The following GPR149 variants were observed in gnomAD, a reference collection of about 807,000 sequenced individuals.
The protein encoded by GPR149 is probable G protein-coupled receptor 149.
Under a neutral mutation model 50.2 loss-of-function variants are expected in GPR149, and 50 were observed. The ratio of observed to expected loss-of-function variants is 1.00; its 90% CI spans 0.79 to 1.26. GPR149 has a LOEUF of 1.26. Ranked by LOEUF, GPR149 falls within the 50% of genes most tolerant of loss-of-function variation. GPR149 has a pLI of 0.00. For missense variants in GPR149, 983 were observed against 895.4 expected (o/e 1.10, Z -1.25); for synonymous variants, 405 against 358.2 (o/e 1.13, Z -1.48).
At chr3:154,376,910 A>G (rs978402289) in intron 3 of GPR149, among the ~76,000 whole-genome samples, 8 of 152,076 alleles carry the variant, frequency 5.3e-5, no homozygotes, top group Non-Finnish European at 1.0e-4. Context: ...AACAATAATG[A>G]CCACTTCATA....
chr3:154,350,284 T>G (rs1714043334), intron 3 of GPR149, among the ~76,000 whole-genome samples: 1 of 152,178 alleles, frequency 6.6e-6, no homozygotes, highest in Non-Finnish European at 1.5e-5. Flanking sequence ...ATGACATGAT[T>G]GATTTATGTA....
In GPR149 at chr3:154,336,217, A is replaced by G. The variant is rs746143740; in HGVS notation, c.*1482T>C. ...ATATTGAGAAGTTAAAGATTGAGAA[A>G]GTCCATTGAGATAATTATTTTGAAA... is the stretch of plus-strand genomic sequence containing the variant. On this transcript the variant is annotated 3_prime_UTR_variant, in exon 4 of 4. Coordinates refer to ENST00000389740, the MANE Select transcript of GPR149 (RefSeq NM_001038705.3). 1 of 152,136 alleles carries G rather than the reference A, an allele frequency of 6.6e-6. No individual in the cohort carries two copies. The highest frequency in any genetic ancestry group is 1.5e-5 in the Non-Finnish European group (1 of 67,954). 9.4% of individuals were successfully genotyped at this position (152,136 alleles called of 1,614,324 possible).
Position 154,427,509 on chromosome 3 carries a change from G to A in GPR149, c.1174+7C>T, listed in dbSNP as rs751246314. Reference sequence around the variant, plus strand: ...TGCTGCCAATCACTGCAGTGTTGAGGACTTACTTTTTTTCCCATCGGACGC... The same window carrying A: ...TGCTGCCAATCACTGCAGTGTTGAGAACTTACTTTTTTTCCCATCGGACGC... On this transcript the variant is annotated splice_region_variant and intron_variant, in intron 2 of 3. Coordinates refer to ENST00000389740, the MANE Select transcript of GPR149 (RefSeq NM_001038705.3). 2 of 1,600,370 alleles carry A rather than the reference G, an allele frequency of 1.2e-6. No individual in the cohort carries two copies. Among genetic ancestry groups the A allele is most frequent in the Non-Finnish European group, 1.7e-6 (2 of 1,174,308 alleles).
intron 3 of GPR149, chr3:154,352,205 T>A: frequency 1.1e-6 from 1 of 900,468 alleles, no homozygotes; most frequent in Non-Finnish European, 1.7e-6. Flanking sequence ...TTCTACCATC[T>A]TGTCGACTTC....
At chr3:154,357,615 G>A (rs1302300925) in intron 3 of GPR149, among the ~76,000 whole-genome samples, 14 of 152,264 alleles carry the variant, frequency 9.2e-5, no homozygotes, top group Admixed American at 9.2e-4. Flanking sequence ...AGTTAGAATG[G>A]CGATCATTAA....
At chr3:154,355,018 T>C (rs1398118765) in intron 3 of GPR149, among the ~76,000 whole-genome samples, 4 of 152,136 alleles carry the variant, frequency 2.6e-5, no homozygotes, top group African/African-American at 9.7e-5. Flanking sequence ...TCTTGATACT[T>C]AAGTTACTAT....
At chr3:154,380,769 A>T (rs1983315) in intron 3 of GPR149, among the ~76,000 whole-genome samples, 1 of 152,008 alleles carries the variant, frequency 6.6e-6, no homozygotes, top group Non-Finnish European at 1.5e-5. Flanking sequence ...CAGGTGTCCA[A>T]ATAAATCCCA....
At chr3:154,358,669 C>T (rs1214637774) in intron 3 of GPR149, among the ~76,000 whole-genome samples, 2 of 151,976 alleles carry the variant, frequency 1.3e-5, no homozygotes, top group Non-Finnish European at 2.9e-5. Flanking sequence ...GATTATAAAC[C>T]CATGTTTATG....
At chr3:154,364,628 A>C (rs777844862) in intron 3 of GPR149, among the ~76,000 whole-genome samples, 12 of 152,234 alleles carry the variant, frequency 7.9e-5, no homozygotes, top group Non-Finnish European at 1.8e-4. Context: ...AAGAAGTAAT[A>C]CGTTTCAAGT....
chr3:154,386,748 A>G (rs1203425291), intron 3 of GPR149, among the ~76,000 whole-genome samples: 1 of 152,258 alleles, frequency 6.6e-6, no homozygotes, highest in Non-Finnish European at 1.5e-5. Flanking sequence ...AAGCAAAACC[A>G]CTGCGATTGA....
chr3:154,344,115 A>G (rs1713868538), intron 3 of GPR149, among the ~76,000 whole-genome samples: 1 of 152,234 alleles, frequency 6.6e-6, no homozygotes, highest in Non-Finnish European at 1.5e-5. Flanking sequence ...AAATATTTAT[A>G]GCACTCTCAA....
At chr3:154,405,095 A>C (rs1226234913) in intron 3 of GPR149, among the ~76,000 whole-genome samples, 3 of 152,216 alleles carry the variant, frequency 2.0e-5, no homozygotes, top group Non-Finnish European at 4.4e-5. Flanking sequence ...GAAGTAGTAA[A>C]GCAATTTCTA....
chr3:154,360,152 T>C (rs1311289815), intron 3 of GPR149, among the ~76,000 whole-genome samples: 1 of 152,160 alleles, frequency 6.6e-6, no homozygotes, highest in Non-Finnish European at 1.5e-5. Context: ...TAAGAGATGG[T>C]TTAAAGTAAT....
At chr3:154,387,462 GC>G (rs2108410155) in intron 3 of GPR149, among the ~76,000 whole-genome samples, 1 of 152,292 alleles carries the variant, frequency 6.6e-6, no homozygotes, top group East Asian at 1.9e-4. Context: ...CATGTCAGAA[GC>G]ATACTCATAT....
intron 3 of GPR149, among the ~76,000 whole-genome samples, chr3:154,409,307 G>T (rs1251115117): frequency 6.6e-6 from 1 of 152,090 alleles, no homozygotes; most frequent in Non-Finnish European, 1.5e-5. Context: ...CTAGTAATAT[G>T]ACAGAACAAG....
chr3:154,404,873 T>TCATCATCATCAG (rs60579531), intron 3 of GPR149, among the ~76,000 whole-genome samples: 1 of 151,074 alleles, frequency 6.6e-6, no homozygotes, highest in Admixed American at 6.6e-5. Context: ...ATCATCATCA[T>TCATCATCATCAG]CAGCAGCAGC....
chr3:154,365,346 T>A (rs1429971683), intron 3 of GPR149, among the ~76,000 whole-genome samples: 2 of 152,098 alleles, frequency 1.3e-5, no homozygotes, highest in African/African-American at 4.8e-5. Context: ...GTGATGGGAG[T>A]GGCAGTCTCA....
chr3:154,424,040 T>A (rs1409173274), intron 2 of GPR149, among the ~76,000 whole-genome samples: 1 of 151,906 alleles, frequency 6.6e-6, no homozygotes, highest in Non-Finnish European at 1.5e-5. Context: ...AGGAGGATTC[T>A]CAGCTCCAGC....
intron 3 of GPR149, among the ~76,000 whole-genome samples, chr3:154,349,464 C>A (rs940633125): frequency 6.6e-6 from 1 of 152,138 alleles, no homozygotes; most frequent in African/African-American, 2.4e-5. Flanking sequence ...ACTACAAACA[C>A]CTTTACACAT....
Sources: allele counts gnomAD v4.1 joint callset (sites outside exome capture counted in the v4.1 genomes callset), GRCh38; gene constraint gnomAD v4.1.1; transcripts MANE v1.5; gene names NCBI Gene and HGNC (gene_info 2026-07-23, HGNC 2026-07-21).